Variants in SLC7A1 observed in about 807,000 individuals in gnomAD.
SLC7A1 encodes the protein high affinity cationic amino acid transporter 1.
Under a neutral mutation model 53.9 loss-of-function variants are expected in SLC7A1, and 10 were observed. The ratio of observed to expected loss-of-function variants is 0.19; its 90% confidence interval spans 0.11 to 0.31. SLC7A1 has a LOEUF of 0.31. Ranked by LOEUF, SLC7A1 falls within the 10% of genes least tolerant of loss-of-function variation. SLC7A1 has a pLI of 1.00. For missense variants in SLC7A1, 525 were observed against 827.2 expected, an observed-to-expected ratio of 0.63 and a Z score of 4.48; for synonymous variants, 342 against 338.7, an observed-to-expected ratio of 1.01 and a Z score of -0.11.
At chr13:29,514,689 T>C (rs1053932328) in intron 12 of SLC7A1, 106 bp from the exon 13 acceptor site, 21 of 785,096 alleles carry the variant, frequency 2.7e-5, no homozygotes, top group Non-Finnish European at 3.5e-5. Context: ...TCAGGCGGCC[T>C]GCCCCTGCCT....
intron 1 of SLC7A1, among the ~76,000 whole-genome samples, chr13:29,577,806 G>C (rs1338132604): frequency 1.3e-5 from 2 of 152,124 alleles, no homozygotes; most frequent in African/African-American, 4.8e-5. Flanking sequence ...TTTGTGGGCT[G>C]GCATGCCCCA....
At chr13:29,518,890 G>A (rs1373511862) in intron 9 of SLC7A1, among the ~76,000 whole-genome samples, 4 of 152,026 alleles carry the variant, frequency 2.6e-5, no homozygotes, top group African/African-American at 9.7e-5. Flanking sequence ...GCCCAGAGCA[G>A]CTTTACTGTG....
chr13:29,533,683 G>A (rs572260940), intron 3 of SLC7A1, among the ~76,000 whole-genome samples: 1 of 152,228 alleles, frequency 6.6e-6, no homozygotes, highest in South Asian at 2.1e-4. Context: ...CCCTCAGCCT[G>A]CACCCTCCGG....
At position 29,579,003 on chromosome 13, in the gene SLC7A1, C is replaced by T. The variant is rs77276031; in HGVS notation, c.-115+16413G>A. On this transcript the variant is annotated intron_variant, in intron 1 of 12. Transcript: ENST00000380752. ...GAAGAGAAACAGATACAAGTGGTGC[C>T]ACCATGAAGGGTTTTCTACAAGAAA... Among the ~76,000 whole-genome samples the T allele has an allele frequency of 9.0e-3, 1,369 of 152,318 alleles. 39 individuals carry two copies. The highest frequency in any genetic ancestry group is 0.058 in the East Asian group (301 of 5,174).
At position 29,522,471 on chromosome 13, in the gene SLC7A1, G is replaced by A. The variant is rs199833208; in HGVS notation, c.1050-15C>T. ...AACCTAGAAGACTAGATGGGGAGAGGCAAACCGCGTGAGTGAACCTGGCTC... is the reference window on the plus strand; with the variant it reads ...AACCTAGAAGACTAGATGGGGAGAGACAAACCGCGTGAGTGAACCTGGCTC... On this transcript the variant is annotated splice_polypyrimidine_tract_variant and intron_variant, in intron 7 of 12. Transcript: ENST00000380752. The A allele has an allele frequency of 1.6e-5, 26 of 1,614,024 alleles. No homozygotes were observed. In the East Asian group the frequency reaches 5.8e-4, roughly 36 times the overall value.
intron 7 of SLC7A1, 139 bp downstream of exon 7, chr13:29,523,127 T>C (rs1244444304): frequency 5.0e-5 from 35 of 701,192 alleles, no homozygotes; most frequent in Non-Finnish European, 8.5e-5. Context: ...CAAAGCTGGG[T>C]TGGGTACTGG....
chr13:29,592,807 C>T (rs976257901), intron 1 of SLC7A1, among the ~76,000 whole-genome samples: 4 of 152,162 alleles, frequency 2.6e-5, no homozygotes, highest in Non-Finnish European at 5.9e-5. Flanking sequence ...CCTCCCCACC[C>T]GAGGCCTGGG....
At chr13:29,541,335 G>A (rs1245269930) in intron 2 of SLC7A1, among the ~76,000 whole-genome samples, 2 of 152,180 alleles carry the variant, frequency 1.3e-5, no homozygotes, top group Non-Finnish European at 2.9e-5. Flanking sequence ...GAGCAATGGA[G>A]GTCCCTTAAC....
rs140965234 is a variant in SLC7A1, at chr13:29,523,584, C to T, written c.827-96G>A. ...AGGCCTCTCAGTGCCCCGGAACCCA[C>T]GTGACCCTACGAGAAACCTCCCTCC... is the stretch of plus-strand genomic sequence containing the variant. On this transcript the variant is annotated intron_variant, in intron 6 of 12. Coordinates refer to ENST00000380752, the MANE Select transcript of SLC7A1 (RefSeq NM_003045.5). The T allele has an allele frequency of 5.0e-4, 448 of 887,918 alleles. 1 individual carries two copies. The highest frequency in any genetic ancestry group is 2.8e-3 in the Middle Eastern group (11 of 3,912). The allele number at this position is 887,918 out of a possible 1,614,324, so 55.0% of individuals were successfully genotyped here.
In SLC7A1 at chr13:29,512,379, C is replaced by A. The variant is rs1883419345; in HGVS notation, c.*2101G>T. 1 of 152,164 alleles carries A rather than the reference C, an allele frequency of 6.6e-6. No homozygotes were observed. The highest frequency in any genetic ancestry group is 2.4e-5 in the African/African-American group (1 of 41,426). The allele number at this position is 152,164 out of a possible 1,614,324, so 9.4% of individuals were successfully genotyped here. On this transcript the variant is annotated 3_prime_UTR_variant, in exon 13 of 13. Transcript: ENST00000380752. Reference sequence around the variant, plus strand: ...TCAATCTACAAAATGAGCCATGGCGCCCATTAAAATGTCAAATGTCAACTC... The same window carrying A: ...TCAATCTACAAAATGAGCCATGGCGACCATTAAAATGTCAAATGTCAACTC...
intron 2 of SLC7A1, among the ~76,000 whole-genome samples, chr13:29,547,415 A>T (rs1869971082): frequency 6.6e-6 from 1 of 152,204 alleles, no homozygotes; most frequent in Non-Finnish European, 1.5e-5. Flanking sequence ...CAGATAGCAG[A>T]GGCCTGGAAA....
chr13:29,538,909 G>A (rs1397313616), intron 2 of SLC7A1, among the ~76,000 whole-genome samples: 1 of 152,272 alleles, frequency 6.6e-6, no homozygotes, highest in East Asian at 1.9e-4. Flanking sequence ...TCTTGTTTCG[G>A]ATCTGGCTGG....
chr13:29,595,030 G>T (rs1397606338), intron 1 of SLC7A1, among the ~76,000 whole-genome samples: 1 of 151,976 alleles, frequency 6.6e-6, no homozygotes, highest in African/African-American at 2.4e-5. Flanking sequence ...CTCCCAGTCT[G>T]GCCCCCGTGC....
At chr13:29,532,411 G>A (rs1164947714) in intron 4 of SLC7A1, among the ~76,000 whole-genome samples, 1 of 152,218 alleles carries the variant, frequency 6.6e-6, no homozygotes, top group Non-Finnish European at 1.5e-5. Flanking sequence ...ACACATTAGT[G>A]TTCCAGACGG....
At chr13:29,562,865 C>T (rs891152757) in intron 1 of SLC7A1, among the ~76,000 whole-genome samples, 3 of 152,326 alleles carry the variant, frequency 2.0e-5, no homozygotes, top group Admixed American at 6.5e-5. Context: ...GATATTTATC[C>T]TACCTCCAGC....
At chr13:29,538,867 C>T (rs1266530178) in intron 2 of SLC7A1, among the ~76,000 whole-genome samples, 2 of 151,800 alleles carry the variant, frequency 1.3e-5, no homozygotes, top group Non-Finnish European at 2.9e-5. Flanking sequence ...TTTAAGTAGA[C>T]GGAGCCTTGA....
At position 29,583,263 on chromosome 13, in the gene SLC7A1, A is replaced by G. The variant is rs114890658; in HGVS notation, c.-115+12153T>C. 2.1e-3 allele frequency among the ~76,000 whole-genome samples: 325 copies of G among 152,356 alleles called. 1 individual carries two copies. Among genetic ancestry groups the G allele is most frequent in the African/African-American group, 7.0e-3 (291 of 41,600 alleles). On this transcript the variant is annotated intron_variant, in intron 1 of 12. Transcript: ENST00000380752. ...AAGTCTAGGAACAAGGGCAATTCCC[A>G]GAACTCAAATGTTTGAGTCACTGCT...
chr13:29,562,704 T>C (rs1379209845), intron 1 of SLC7A1, among the ~76,000 whole-genome samples: 1 of 152,210 alleles, frequency 6.6e-6, no homozygotes, highest in Non-Finnish European at 1.5e-5. Context: ...CACTGTTATT[T>C]GGAACCTATA....
intron 1 of SLC7A1, among the ~76,000 whole-genome samples, chr13:29,568,305 T>C (rs2139162904): frequency 6.6e-6 from 1 of 152,310 alleles, no homozygotes; most frequent in Non-Finnish European, 1.5e-5. Context: ...GAATCCATCT[T>C]TTAATAATTT....
Sources: gnomAD v4.1 joint callset for allele counts (sites outside exome capture counted in the v4.1 genomes callset) on GRCh38, gnomAD v4.1.1 for gene constraint, MANE v1.5 for transcripts, NCBI Gene and HGNC (gene_info 2026-07-23, HGNC 2026-07-21) for gene names.